The following EFNA4 variants were observed in gnomAD, a reference collection of about 807,000 sequenced individuals.
EFNA4 encodes ephrin-A4.
A neutral mutation model predicts 23.7 loss-of-function variants in EFNA4; 22 were observed. The ratio of observed to expected loss-of-function variants is 0.93; its 90% CI spans 0.66 to 1.32. The LOEUF is 1.32. EFNA4 is among the 40% of genes most tolerant of loss of function. The pLI is 0.00. For missense variants in EFNA4, 252 were observed against 252.3 expected (o/e 1.00, Z 0.01); for synonymous variants, 113 against 108.3 (o/e 1.04, Z -0.27).
chr1:155,066,777 T>C lies in EFNA4; in HGVS notation c.161T>C (p.Leu54Pro). 6.2e-7 allele frequency: 1 copy of C among 1,609,952 alleles called. No individual in the cohort carries two copies. Among genetic ancestry groups the C allele is most frequent in the Non-Finnish European group, 8.5e-7 (1 of 1,178,786 alleles). ...GTGGAGCTGGGCCTCAACGATTACC[T>C]AGACATTGTCTGCCCCCACTACGAA... Reference protein sequence around the residue: ...AVVELGLNDYLDIVCPHYEGP... With the variant: ...AVVELGLNDYPDIVCPHYEGP... Residue 54 changes from leucine to proline, a missense_variant, in exon 2 of 4, where the codon CTA becomes CCA. By Grantham distance (98) the Leu-to-Pro change is moderately conservative. Coordinates refer to ENST00000368409, the MANE Select transcript of EFNA4 (RefSeq NM_005227.3).
chr1:155,068,427 ATTTT>A (rs71077978), intron 3 of EFNA4, among the ~76,000 whole-genome samples: 4 of 25,368 alleles, frequency 1.6e-4, no homozygotes, highest in Admixed American at 6.9e-4. Flanking sequence ...CACCCAGCTG[ATTTT>A]TTTTTTTTTT....
In EFNA4 at chr1:155,069,093, C is replaced by A. The variant is rs1228015744; in HGVS notation, c.*104C>A. 1 of 1,610,866 alleles carries A rather than the reference C, an allele frequency of 6.2e-7. No homozygotes were observed. On this transcript the variant is annotated 3_prime_UTR_variant, in exon 4 of 4. Transcript: ENST00000368409. ...CTGCACTGGGGGTGCCAATTCAGAC[C>A]GACAAGATGGAGCATTGATGGGGGA... is the stretch of plus-strand genomic sequence containing the variant.
At chr1:155,065,175 C>T (rs528864162) in intron 1 of EFNA4, among the ~76,000 whole-genome samples, 1 of 152,348 alleles carries the variant, frequency 6.6e-6, no homozygotes, top group African/African-American at 2.4e-5. Flanking sequence ...TACCAAGGCC[C>T]TGTCCTTGCT....
rs1043929206 is a variant in EFNA4 at position 155,067,917 on chromosome 1, A to C, written c.469+477A>C. On this transcript the variant is annotated intron_variant, in intron 3 of 3. Coordinates refer to ENST00000368409, the MANE Select transcript of EFNA4 (RefSeq NM_005227.3). ...ATTACAGGCATGAGCCACCACCCCC[A>C]GCTCCCCCACTTCTTTTTTAAGAGA... Among the ~76,000 whole-genome samples the C allele has an allele frequency of 4.1e-5, 6 of 147,652 alleles. No individual in the cohort carries two copies. In the East Asian group the frequency reaches 1.0e-3, roughly 25 times the overall value.
chr1:155,064,066 C>G, intron 1 of EFNA4, 130 bp downstream of exon 1: 32 of 300,368 alleles, frequency 1.1e-4, no homozygotes, highest in South Asian at 4.0e-4. Context: ...TTGTTTGAGC[C>G]GGCGGGGGAG....
Position 155,063,884 on chromosome 1 carries a change from C to A in EFNA4, c.61C>A (p.Arg21Ser). Residue 21 changes from arginine to serine, a missense_variant, in exon 1 of 4, where the codon CGC (arginine) becomes AGC (serine). By Grantham distance (110) the Arg-to-Ser change is moderately radical. Transcript: ENST00000368409. The surrounding 1 kb of genome is among the most constrained non-coding windows in gnomAD (Gnocchi z 4.1). ...GGCCGCGTTCCTCGGCTCCCCTCTG[C>A]GCGGGGGCTCCAGCCTCCGCCACGT... ...LWAAFLGSPL[R>S]GGSSLRHVVY... The A allele has an allele frequency of 6.4e-7, 1 of 1,566,260 alleles. No individual in the cohort carries two copies. The highest frequency in any genetic ancestry group is 8.6e-7 in the Non-Finnish European group (1 of 1,157,588).
intron 1 of EFNA4, 95 bp from the exon 2 acceptor site, chr1:155,066,635 G>T (rs1345771062): frequency 1.5e-5 from 22 of 1,443,966 alleles, no homozygotes; most frequent in Non-Finnish European, 1.6e-5. Flanking sequence ...TGGAGGAGAG[G>T]CTGGCAGGGG....
At chr1:155,064,434 C>G (rs1432896709) in intron 1 of EFNA4, among the ~76,000 whole-genome samples, 2 of 152,230 alleles carry the variant, frequency 1.3e-5, no homozygotes, top group Non-Finnish European at 2.9e-5. Context: ...CCTTCTGTTT[C>G]TTTCCAGTGT....
In EFNA4 at chr1:155,066,816, CT is replaced by C. The variant is rs764503763; in HGVS notation, c.201del (p.Glu68ArgfsTer78). 2 of 1,613,950 alleles carry C rather than the reference CT, an allele frequency of 1.2e-6. No homozygotes were observed. The highest frequency in any genetic ancestry group is 1.7e-6 in the Non-Finnish European group (2 of 1,179,946). The stretch of plus-strand genomic sequence containing the variant: ...CCCCACTACGAAGGCCCAGGGCCCC[CT>C]GAGGGCCCCGAGACGTTTGCTTTGT... ...VCPHYEGPGPPEGPETFALYM... is the reference protein window; with the variant it reads ...VCPHYEGPGPXEGPETFALYM... On this transcript the variant is annotated frameshift_variant, in exon 2 of 4. Coordinates refer to ENST00000368409, the MANE Select transcript of EFNA4 (RefSeq NM_005227.3). LOFTEE classifies it high-confidence loss of function.
chr1:155,067,220 G>A (rs1571653815), intron 2 of EFNA4, 152 bp from the exon 3 acceptor site: 1 of 1,025,654 alleles, frequency 9.7e-7, no homozygotes, highest in Non-Finnish European at 1.4e-6. Context: ...TGAGAGGACT[G>A]GATGGGGCCT....
At chr1:155,067,223 TG>T in intron 2 of EFNA4, 148 bp from the exon 3 acceptor site, 2 of 1,035,196 alleles carry the variant, frequency 1.9e-6, no homozygotes, top group South Asian at 1.6e-5. Context: ...GAGGACTGGA[TG>T]GGGCCTGATA....
In EFNA4 at chr1:155,069,375, CA is replaced by C; in HGVS notation, c.*387del. On this transcript the variant is annotated 3_prime_UTR_variant, in exon 4 of 4. Transcript: ENST00000368409. ...GACCAGGGCAAAGAAGAAGCCCTGC[CA>C]TCTGTGCCCTGTGGGCCTTTTCCCT... 1.7e-6 allele frequency: 1 copy of C among 579,778 alleles called. No individual in the cohort carries two copies. Among genetic ancestry groups the C allele is most frequent in the Non-Finnish European group, 2.9e-6 (1 of 347,028 alleles). The allele number at this position is 579,778 out of a possible 1,614,324, so 35.9% of individuals were successfully genotyped here. A position where few individuals can be genotyped will look rare whatever the true frequency, so the allele number is the denominator to read the frequency against.
In EFNA4 at chr1:155,063,931, C is replaced by A; in HGVS notation, c.108C>A (p.Asn36Lys). 6.4e-7 allele frequency: 1 copy of A among 1,555,700 alleles called. No homozygotes were observed. The highest frequency in any genetic ancestry group is 1.4e-5 in the African/African-American group (1 of 71,690). ...ACGTAGTCTACTGGAACTCCAGTAA[C>A]CCCAGGTAGCCGGGCCGAACCGGGC... ...LRHVVYWNSS[N>K]PRLLRGDAVV... The change falls in exon 1 of 4, where the codon AAC becomes AAA. Residue 36 changes from asparagine (N) to lysine (K), a missense_variant. Coordinates refer to ENST00000368409, the MANE Select transcript of EFNA4 (RefSeq NM_005227.3). This position sits in a 1 kb window ranked among gnomAD's most constrained non-coding sequence, Gnocchi z 4.1.
Position 155,069,341 on chromosome 1 carries a change from C to A in EFNA4, c.*352C>A. On this transcript the variant is annotated 3_prime_UTR_variant, in exon 4 of 4. Coordinates refer to ENST00000368409, the MANE Select transcript of EFNA4 (RefSeq NM_005227.3). Reference sequence around the variant, plus strand: ...CCAGGCTGAAGACCTGGGGACAGGTCGATTGCTGGACCAGGGCAAAGAAGA... The same window carrying A: ...CCAGGCTGAAGACCTGGGGACAGGTAGATTGCTGGACCAGGGCAAAGAAGA... The A allele has an allele frequency of 1.4e-6, 1 of 719,428 alleles. No individual in the cohort carries two copies. The highest frequency in any genetic ancestry group is 3.1e-5 in the East Asian group (1 of 32,100). 44.6% of individuals were successfully genotyped at this position (719,428 alleles called of 1,614,324 possible).
rs760012398 is a variant in EFNA4, at chr1:155,068,978, C to T, written c.595C>T (p.Arg199Ter). The change falls in exon 4 of 4, where the codon CGA becomes TGA. Residue 199 changes from arginine (R) to a stop codon, truncating the protein, a stop_gained. Transcript: ENST00000368409. LOFTEE classifies it high-confidence loss of function. ...LLLLLILRLL[R>*]IL ...GCTGCTTCTGATTCTTCGTCTTCTG[C>T]GAATTCTGTGAGCCAAGCAGACCTT... 5 of 1,613,784 alleles carry T rather than the reference C, an allele frequency of 3.1e-6. No homozygotes were observed. The highest frequency in any genetic ancestry group is 4.5e-5 in the East Asian group (2 of 44,886).
Position 155,069,168 on chromosome 1 carries a change from G to A in EFNA4, c.*179G>A, listed in dbSNP as rs1558141354. On this transcript the variant is annotated 3_prime_UTR_variant, in exon 4 of 4. Transcript: ENST00000368409. ...TGCAGGAGCCTGTCCCCTCATCACA[G>A]GCTAAAGAAGAGCAGTAGACAGCCC... The A allele has an allele frequency of 1.2e-6, 2 of 1,604,700 alleles. No homozygotes were observed. The highest frequency in any genetic ancestry group is 1.7e-6 in the Non-Finnish European group (2 of 1,177,454).
intron 3 of EFNA4, among the ~76,000 whole-genome samples, chr1:155,068,427 AT>A (rs71077978): frequency 0.021 from 530 of 25,170 alleles, 3 homozygotes; most frequent in African/African-American, 0.084. Context: ...CACCCAGCTG[AT>A]TTTTTTTTTT....
intron 1 of EFNA4, among the ~76,000 whole-genome samples, chr1:155,064,604 T>C (rs1409577402): frequency 6.6e-6 from 1 of 152,190 alleles, no homozygotes; most frequent in Non-Finnish European, 1.5e-5. Context: ...GCTGTACAGA[T>C]ATAAACTATT....
intron 3 of EFNA4, among the ~76,000 whole-genome samples, chr1:155,067,937 A>G (rs957717855): frequency 6.9e-6 from 1 of 145,756 alleles, no homozygotes; most frequent in African/African-American, 2.6e-5. Flanking sequence ...CTTCTTTTTT[A>G]AGAGACAGGG....
Sources: gnomAD v4.1 joint callset for allele counts (sites outside exome capture counted in the v4.1 genomes callset) on GRCh38, gnomAD v4.1.1 for gene constraint, Gnocchi (gnomAD v3.1) non-coding constraint, MANE v1.5 for transcripts, NCBI Gene and HGNC (gene_info 2026-07-23, HGNC 2026-07-21) for gene names.